SPATS2: variants seen among roughly 807,000 people sequenced by gnomAD.
SPATS2 encodes spermatogenesis associated serine rich 2.
A neutral mutation model predicts 63.7 loss-of-function variants in SPATS2; 38 were observed. The observed-to-expected ratio is 0.60, with a 90% CI of 0.46 to 0.78. The LOEUF (loss-of-function observed/expected upper bound fraction) is 0.78, where lower values mean the gene tolerates loss of function less well. SPATS2 is among the 30% of genes least tolerant of loss of function. The pLI, the probability that SPATS2 is intolerant of heterozygous loss-of-function variation, is 0.00. For missense variants in SPATS2, 588 were observed against 666.2 expected (o/e 0.88, Z 1.29); for synonymous variants, 207 against 232.9 (o/e 0.89, Z 1.01).
At chr12:49,401,178 T>C (rs1016726131) in intron 2 of SPATS2, among the ~76,000 whole-genome samples, 4 of 152,168 alleles carry the variant, frequency 2.6e-5, no homozygotes, top group African/African-American at 9.7e-5. Context: ...GCCTGGCTAA[T>C]TTTAAAATTT....
At chr12:49,369,751 C>T (rs1943966516) in intron 1 of SPATS2, among the ~76,000 whole-genome samples, 1 of 152,184 alleles carries the variant, frequency 6.6e-6, no homozygotes, top group Non-Finnish European at 1.5e-5. Context: ...AGGATTTGTC[C>T]TGCGACCACA....
In SPATS2 at chr12:49,520,237, C is replaced by T. The variant is rs926686606; in HGVS notation, c.1008+1055C>T. On this transcript the variant is annotated intron_variant, in intron 11 of 13. Transcript: ENST00000552918. The stretch of plus-strand genomic sequence containing the variant: ...TCAGGTGATCTGCCTGCCTCAGCCT[C>T]CCAAAGTGCTAGGATTACGGGCATG... Among the ~76,000 whole-genome samples the T allele has an allele frequency of 5.9e-5, 9 of 152,296 alleles. No homozygotes were observed. The East Asian group carries it at 1.7e-3, about 29-fold the overall frequency.
At chr12:49,510,552 G>T in intron 9 of SPATS2, among the ~76,000 whole-genome samples, 1 of 131,908 alleles carries the variant, frequency 7.6e-6, no homozygotes. Flanking sequence ...GCGACAGTGA[G>T]ACCCTGTCTC....
intron 2 of SPATS2, among the ~76,000 whole-genome samples, chr12:49,385,861 T>G (rs1944307312): frequency 7.6e-6 from 1 of 130,960 alleles, no homozygotes; most frequent in Admixed American, 7.0e-5. Flanking sequence ...GTTTGTTTGT[T>G]TGTTTGTTTT....
chr12:49,523,400 G>A (rs542312463), intron 12 of SPATS2, among the ~76,000 whole-genome samples: 1 of 151,786 alleles, frequency 6.6e-6, no homozygotes, highest in African/African-American at 2.4e-5. Context: ...GTGGGTGAGA[G>A]GGGGAAGATA....
At chr12:49,444,869 G>A (rs1026962719) in intron 2 of SPATS2, among the ~76,000 whole-genome samples, 3 of 152,170 alleles carry the variant, frequency 2.0e-5, no homozygotes, top group Admixed American at 6.5e-5. Flanking sequence ...CTCCCAAAGT[G>A]CAGGGATTAC....
chr12:49,440,805 T>C (rs1945404484), intron 2 of SPATS2, among the ~76,000 whole-genome samples: 1 of 152,182 alleles, frequency 6.6e-6, no homozygotes, highest in Non-Finnish European at 1.5e-5. Context: ...GTTGGCAGAT[T>C]GTCCTTCAAT....
intron 2 of SPATS2, among the ~76,000 whole-genome samples, chr12:49,417,234 AT>A (rs1187804300): frequency 6.6e-6 from 1 of 152,214 alleles, no homozygotes; most frequent in African/African-American, 2.4e-5. Context: ...CTGTATTAAA[AT>A]TTTTACCATT....
At chr12:49,509,853 C>T (rs1037993042) in intron 9 of SPATS2, among the ~76,000 whole-genome samples, 1 of 149,598 alleles carries the variant, frequency 6.7e-6, no homozygotes, top group South Asian at 2.1e-4. Flanking sequence ...ATTGGCAATT[C>T]TCTTTTTTGG....
At chr12:49,513,939 G>T (rs147807429) in intron 9 of SPATS2, among the ~76,000 whole-genome samples, 1 of 152,012 alleles carries the variant, frequency 6.6e-6, no homozygotes, top group Non-Finnish European at 1.5e-5. Context: ...GGCGGATCAC[G>T]AGGTCAGGAG....
At chr12:49,415,787 A>G (rs1944879127) in intron 2 of SPATS2, among the ~76,000 whole-genome samples, 1 of 152,314 alleles carries the variant, frequency 6.6e-6, no homozygotes, top group Non-Finnish European at 1.5e-5. Flanking sequence ...TACTTATACA[A>G]TATGTAAACT....
chr12:49,472,582 G>A lies in SPATS2; in HGVS notation c.25+11545G>A, dbSNP rs547083629. Among the ~76,000 whole-genome samples, 4 of 147,766 alleles carry A rather than the reference G, an allele frequency of 2.7e-5. 1 individual carries two copies. The South Asian group carries it at 8.5e-4, about 31-fold the overall frequency. ...GCAAGAATAGGCATGTCAGGAAAGA[G>A]AATATCCAAATGGCTTATTTTATAT... On this transcript the variant is annotated intron_variant, in intron 3 of 13. Transcript: ENST00000552918.
rs1592476292 is a variant in SPATS2, at chr12:49,514,611, C to G, written c.896C>G (p.Ala299Gly). 1 of 1,613,040 alleles carries G rather than the reference C, an allele frequency of 6.2e-7. No homozygotes were observed. The highest frequency in any genetic ancestry group is 8.5e-7 in the Non-Finnish European group (1 of 1,179,522). ...GAAATGGACAAAGTGAAAGCTGAAG[C>G]AAGTAAGATGATTGATCTTTAATTA... ...LAEMDKVKAE[A>G]MEILLSRQKK... Residue 299 changes from alanine (A) to glycine (G), a missense_variant and splice_region_variant, in exon 10 of 14, where the codon GCA becomes GGA. Physicochemically the swap from Ala to Gly is moderately conservative, Grantham distance 60. Coordinates refer to ENST00000552918, the MANE Select transcript of SPATS2 (RefSeq NM_023071.4).
intron 6 of SPATS2, among the ~76,000 whole-genome samples, chr12:49,494,217 TC>T (rs1946428773): frequency 6.6e-6 from 1 of 152,212 alleles, no homozygotes. Flanking sequence ...AATGGCTGTT[TC>T]TCTATACCCT....
intron 1 of SPATS2, among the ~76,000 whole-genome samples, chr12:49,367,917 G>T (rs1187160351): frequency 5.9e-5 from 9 of 152,294 alleles, no homozygotes; most frequent in African/African-American, 2.2e-4. Flanking sequence ...GAAAGAATAG[G>T]ATCATTTGGG....
rs560237280 is a variant in SPATS2, at chr12:49,421,671, T to C, written c.-243-39099T>C. The stretch of plus-strand genomic sequence containing the variant: ...AGATCTGTGTTATCATTTTTGACAA[T>C]AATCCAGTGTCTGTTAGTTTTAGGG... On this transcript the variant is annotated intron_variant, in intron 2 of 13. Coordinates refer to ENST00000552918, the MANE Select transcript of SPATS2 (RefSeq NM_023071.4). Among the ~76,000 whole-genome samples the C allele has an allele frequency of 1.2e-3, 189 of 152,288 alleles. 1 individual carries two copies. The highest frequency in any genetic ancestry group is 0.012 in the Admixed American group (188 of 15,296).
At chr12:49,510,368 C>T (rs1276420166) in intron 9 of SPATS2, among the ~76,000 whole-genome samples, 2 of 151,658 alleles carry the variant, frequency 1.3e-5, no homozygotes, top group Non-Finnish European at 2.9e-5. Flanking sequence ...TTGAGACCAG[C>T]CTGGGCAACA....
At chr12:49,391,405 G>A (rs1405835717) in intron 2 of SPATS2, among the ~76,000 whole-genome samples, 3 of 152,114 alleles carry the variant, frequency 2.0e-5, no homozygotes, top group Non-Finnish European at 2.9e-5. Context: ...CCAGCTACTC[G>A]GGAGGCTGAG....
chr12:49,493,873 C>T (rs1435376771), intron 6 of SPATS2, among the ~76,000 whole-genome samples: 1 of 152,184 alleles, frequency 6.6e-6, no homozygotes, highest in African/African-American at 2.4e-5. Flanking sequence ...TGTAATATAT[C>T]TTGGAGCTTA....
Sources: allele counts gnomAD v4.1 joint callset (sites outside exome capture counted in the v4.1 genomes callset), GRCh38; gene constraint gnomAD v4.1.1; transcripts MANE v1.5; gene names NCBI Gene and HGNC (gene_info 2026-07-23, HGNC 2026-07-21).